Variants in OR52H1 observed in about 807,000 individuals in gnomAD.
OR52H1 encodes olfactory receptor family 52 subfamily H member 1, also known as olfactory receptor 52H1.
For missense variants in OR52H1, 383 were observed against 396.4 expected (o/e 0.97, Z 0.29); for synonymous variants, 148 against 138.6 (o/e 1.07, Z -0.48).
chr11:5,547,107 C>T (rs914356005), intron 1 of OR52H1, among the ~76,000 whole-genome samples: 1 of 152,112 alleles, frequency 6.6e-6, no homozygotes, highest in Non-Finnish European at 1.5e-5. Flanking sequence ...AGGCGCCCGC[C>T]ACCACCCCCA....
rs747525586 is a variant in OR52H1, at chr11:5,544,598, T to A, written c.908A>T (p.Asp303Val). Residue 303 changes from aspartate to valine, a missense_variant, in exon 2 of 2, where the codon GAT becomes GTT. Physicochemically the swap from Asp to Val is radical, Grantham distance 152. Transcript: ENST00000322653. ...VYGVKTKQIR[D>V]KVILLFSKGT... ...CTTAGAAAACAAAAGTATAACCTTA[T>A]CTCTGATCTGCTTGGTCTTCACTCC... 6.2e-7 allele frequency: 1 copy of A among 1,611,776 alleles called. No individual in the cohort carries two copies. The highest frequency in any genetic ancestry group is 1.1e-5 in the South Asian group (1 of 90,462).
rs1237808346 is a variant in OR52H1 at position 5,544,606 on chromosome 11, C to A, written c.900G>T (p.Gln300His). 2 of 1,612,578 alleles carry A rather than the reference C, an allele frequency of 1.2e-6. No individual in the cohort carries two copies. Among genetic ancestry groups the A allele is most frequent in the South Asian group, 2.2e-5 (2 of 90,676 alleles). ...NPMVYGVKTK[Q>H]IRDKVILLFS... Reference sequence around the variant, plus strand: ...ACAAAAGTATAACCTTATCTCTGATCTGCTTGGTCTTCACTCCGTAAACCA... The same window carrying A: ...ACAAAAGTATAACCTTATCTCTGATATGCTTGGTCTTCACTCCGTAAACCA... The change falls in exon 2 of 2, where the codon CAG (glutamine) becomes CAT (histidine). Residue 300 changes from glutamine (Q) to histidine (H), a missense_variant. Physicochemically the swap from Gln to His is conservative, Grantham distance 24 (BLOSUM62 0). Transcript: ENST00000322653.
In OR52H1 at chr11:5,545,237, C is replaced by A; in HGVS notation, c.269G>T (p.Gly90Val). 6.2e-7 allele frequency: 1 copy of A among 1,614,100 alleles called. No homozygotes were observed. Among genetic ancestry groups the A allele is most frequent in the Non-Finnish European group, 8.5e-7 (1 of 1,180,010 alleles). Reference protein sequence around the residue: ...VPKALSIFWLGAREITFPGCL... With the variant: ...VPKALSIFWLVAREITFPGCL... ...TCCTGGGAATGTGATTTCGCGAGCC[C>A]CTAGCCAAAAGATACTGAGTGCTTT... is the stretch of plus-strand genomic sequence containing the variant. The change falls in exon 2 of 2, where the codon GGG becomes GTG. Residue 90 changes from glycine (G) to valine (V), a missense_variant. Coordinates refer to ENST00000322653, the MANE Select transcript of OR52H1 (RefSeq NM_001005289.5).
Position 5,545,490 on chromosome 11 carries a change from G to C in OR52H1, c.16C>G (p.Leu6Val), listed in dbSNP as rs1285788803. The C allele has an allele frequency of 1.2e-6, 2 of 1,614,040 alleles. No individual in the cohort carries two copies. Among genetic ancestry groups the C allele is most frequent in the Non-Finnish European group, 1.7e-6 (2 of 1,179,928 alleles). MIIFN[L>V]SSYNPGPFIL... The stretch of plus-strand genomic sequence containing the variant: ...AAGGGTCCTGGATTGTAACTGCTCA[G>C]GTTGAAAATGATCATGGCAGAGGCA... Residue 6 changes from leucine (L) to valine (V), a missense_variant, in exon 2 of 2, where the codon CTG becomes GTG. Leu to Val is a conservative substitution (Grantham distance 32). Coordinates refer to ENST00000322653, the MANE Select transcript of OR52H1 (RefSeq NM_001005289.5).
Position 5,545,013 on chromosome 11 carries a change from G to T in OR52H1, c.493C>A (p.Leu165Met). 6.2e-7 allele frequency: 1 copy of T among 1,614,218 alleles called. No individual in the cohort carries two copies. Among genetic ancestry groups the T allele is most frequent in the Non-Finnish European group, 8.5e-7 (1 of 1,180,040 alleles). Residue 165 changes from leucine (L) to methionine (M), a missense_variant, in exon 2 of 2, where the codon CTG (leucine) becomes ATG (methionine). Transcript: ENST00000322653. ...GTCCTGCAGAAAGGCAGGCATGTCA[G>T]CAAGAATACATCTGGCAGGATGATG... is the stretch of plus-strand genomic sequence containing the variant. ...FCIILPDVFL[L>M]TCLPFCRTRI...
Position 5,546,181 on chromosome 11 carries a change from CAA to C in OR52H1, c.-30-648_-30-647del, listed in dbSNP as rs34696903. Among the ~76,000 whole-genome samples, 190 of 145,486 alleles carry C rather than the reference CAA, an allele frequency of 1.3e-3. 1 individual carries two copies. The highest frequency in any genetic ancestry group is 4.6e-3 in the African/African-American group (182 of 39,498). ...GCTGAGGTTCACTAGCCTTTCTCCTCAAAAAAAAAAAAAAATTCAATAGTTTT... is the reference window on the plus strand; with the variant it reads ...GCTGAGGTTCACTAGCCTTTCTCCTCAAAAAAAAAAAAATTCAATAGTTTT... On this transcript the variant is annotated intron_variant, in intron 1 of 1. Transcript: ENST00000322653.
At chr11:5,545,838 C>A (rs12294369) in intron 1 of OR52H1, among the ~76,000 whole-genome samples, 4 of 152,058 alleles carry the variant, frequency 2.6e-5, no homozygotes, top group Non-Finnish European at 5.9e-5. Flanking sequence ...TACACTCTTC[C>A]TTATACACTG....
intron 1 of OR52H1, among the ~76,000 whole-genome samples, chr11:5,548,118 C>T (rs1317037235): frequency 6.6e-6 from 1 of 152,174 alleles, no homozygotes; most frequent in Non-Finnish European, 1.5e-5. Context: ...CACCCCTGGG[C>T]ATACACACAT....
intron 1 of OR52H1, among the ~76,000 whole-genome samples, chr11:5,546,122 G>T (rs1268683135): frequency 6.7e-6 from 1 of 149,424 alleles, no homozygotes; most frequent in Non-Finnish European, 1.5e-5. Context: ...GATAACATGT[G>T]TAAGTCAGAT....
chr11:5,547,642 T>C (rs2436705), intron 1 of OR52H1, among the ~76,000 whole-genome samples: 48,140 of 151,206 alleles, frequency 0.32, 9,798 homozygotes, highest in East Asian at 0.85. Flanking sequence ...ATGATACACA[T>C]TGAAAAAAGA....
chr11:5,545,560 TA>T, intron 1 of OR52H1, 25 bp from the exon 2 acceptor site: 2 of 1,563,860 alleles, frequency 1.3e-6, no homozygotes, highest in Non-Finnish European at 1.7e-6. Context: ...TGATTAAGGA[TA>T]GAGAAACTTG....
In OR52H1 at chr11:5,544,697, A is replaced by G; in HGVS notation, c.809T>C (p.Val270Ala). 3 of 1,614,174 alleles carry G rather than the reference A, an allele frequency of 1.9e-6. No individual in the cohort carries two copies. Among genetic ancestry groups the G allele is most frequent in the Non-Finnish European group, 2.5e-6 (3 of 1,180,038 alleles). ...AAACATGATGTGGAAGGTGCGAGAG[A>G]CATTGTGTCCAAAGCGATGGGCGAG... ...SILAHRFGHN[V>A]SRTFHIMFAN... Residue 270 changes from valine (V) to alanine (A), a missense_variant, in exon 2 of 2, where the codon GTC (valine) becomes GCC (alanine). Val to Ala is a moderately conservative substitution (Grantham distance 64). Coordinates refer to ENST00000322653, the MANE Select transcript of OR52H1 (RefSeq NM_001005289.5).
rs7105684 is a variant in OR52H1, at chr11:5,547,144, C to T, written c.-31+1308G>A. Among the ~76,000 whole-genome samples, 1,397 of 151,988 alleles carry T rather than the reference C, an allele frequency of 9.2e-3. 20 individuals are homozygous for T. Among genetic ancestry groups the T allele is most frequent in the African/African-American group, 0.031 (1,280 of 41,418 alleles). On this transcript the variant is annotated intron_variant, in intron 1 of 1. Transcript: ENST00000322653. ...CTAATTTTTGTATTTTCAGTAGAGA[C>T]GGGCTTTCACCATGTTGGCCAGGCT...
intron 1 of OR52H1, among the ~76,000 whole-genome samples, chr11:5,547,369 A>G (rs2467221): frequency 0.087 from 13,270 of 152,262 alleles, 1,208 homozygotes; most frequent in East Asian, 0.39. Flanking sequence ...TAAAGGAACT[A>G]GTGTTAATTT....
In OR52H1 at chr11:5,544,660, G is replaced by A. The variant is rs764118683; in HGVS notation, c.846C>T (p.Tyr282=). The change falls in exon 2 of 2, where the codon TAC becomes TAT. Residue 282 remains tyrosine (Y), a synonymous_variant. Coordinates refer to ENST00000322653, the MANE Select transcript of OR52H1 (RefSeq NM_001005289.5). ...GGTTGAGTGCAGGTGGGATAACAAT[G>A]TAGAGATTGGCAAACATGATGTGGA... ...RTFHIMFANL[Y]IVIPPALNPM... The A allele has an allele frequency of 6.2e-7, 1 of 1,614,136 alleles. No individual in the cohort carries two copies. Among genetic ancestry groups the A allele is most frequent in the South Asian group, 1.1e-5 (1 of 91,082 alleles).
At chr11:5,546,673 T>C (rs1236737551) in intron 1 of OR52H1, among the ~76,000 whole-genome samples, 2 of 152,220 alleles carry the variant, frequency 1.3e-5, no homozygotes, top group Non-Finnish European at 2.9e-5. Flanking sequence ...TTCATACATA[T>C]GTGAGGAAAG....
chr11:5,548,421 A>T (rs1294124224), intron 1 of OR52H1, 31 bp downstream of exon 1: 1 of 152,186 alleles, frequency 6.6e-6, no homozygotes, highest in Non-Finnish European at 1.5e-5. Context: ...GTCTTGTCCC[A>T]ATCAAACCCC....
At position 5,544,809 on chromosome 11, in the gene OR52H1, G is replaced by T; in HGVS notation, c.697C>A (p.Gln233Lys). 4 of 1,614,100 alleles carry T rather than the reference G, an allele frequency of 2.5e-6. No individual in the cohort carries two copies. The highest frequency in any genetic ancestry group is 3.4e-6 in the Non-Finnish European group (4 of 1,180,008). The stretch of plus-strand genomic sequence containing the variant: ...CCGAGGGCTTTCTGGCAGGCATCTT[G>T]GGAGGGAAGGCCAAAGACAGCACAG... Reference protein sequence around the residue: ...ILCAVFGLPSQDACQKALGTC... With the variant: ...ILCAVFGLPSKDACQKALGTC... The change falls in exon 2 of 2, where the codon CAA (glutamine) becomes AAA (lysine). Residue 233 changes from glutamine to lysine, a missense_variant. Coordinates refer to ENST00000322653, the MANE Select transcript of OR52H1 (RefSeq NM_001005289.5).
chr11:5,547,251 C>T (rs1009150244), intron 1 of OR52H1, among the ~76,000 whole-genome samples: 6 of 152,186 alleles, frequency 3.9e-5, no homozygotes, highest in Non-Finnish European at 7.4e-5. Flanking sequence ...CCACCACGCT[C>T]GGCCTGCAGT....
Sources: gnomAD v4.1 joint callset for allele counts (sites outside exome capture counted in the v4.1 genomes callset) on GRCh38, gnomAD v4.1.1 for gene constraint, MANE v1.5 for transcripts, NCBI Gene and HGNC (gene_info 2026-07-23, HGNC 2026-07-21) for gene names.